Variants in KCNQ3 observed in about 807,000 individuals in gnomAD.
KCNQ3 encodes the protein potassium voltage-gated channel subfamily Q member 3.
KCNQ3 carries 30 observed loss-of-function variants against 92.5 expected under a neutral mutation model. The observed-to-expected ratio is 0.32, with a 90% CI of 0.24 to 0.44. KCNQ3 has a LOEUF of 0.44. Among genes scored for constraint, KCNQ3 ranks in the 20% least tolerant of loss-of-function variants. The probability of loss-of-function intolerance (pLI) is 1.00; values close to 1 mark genes in which losing one functional copy is unlikely to be tolerated. For synonymous variants in KCNQ3, 450 were observed against 468.8 expected (o/e 0.96, Z 0.52); for missense variants, 913 against 1,140.3 (o/e 0.80, Z 2.87).
chr8:132,233,856 C>CA lies in KCNQ3; in HGVS notation c.387-47676dup, dbSNP rs554219713. ...TAAATTCTGAAGGTGGAGAAGCGGGCAAAAAAAAATATTCAAAGCTCTTTG... is the reference window on the plus strand; with the variant it reads ...TAAATTCTGAAGGTGGAGAAGCGGGCAAAAAAAAAATATTCAAAGCTCTTTG... On this transcript the variant is annotated intron_variant, in intron 1 of 14. Coordinates refer to ENST00000388996, the MANE Select transcript of KCNQ3 (RefSeq NM_004519.4). Among the ~76,000 whole-genome samples the CA allele has an allele frequency of 3.1e-3, 459 of 149,366 alleles. 11 individuals carry two copies. Among genetic ancestry groups the CA allele is most frequent in the Admixed American group, 0.023 (343 of 15,048 alleles).
At chr8:132,437,718 G>C (rs1011545430) in intron 1 of KCNQ3, among the ~76,000 whole-genome samples, 5 of 152,092 alleles carry the variant, frequency 3.3e-5, no homozygotes, top group Non-Finnish European at 7.4e-5. Context: ...TAGGTTGCTT[G>C]GGAGAGATAC....
At chr8:132,206,531 G>T (rs1411473069) in intron 1 of KCNQ3, among the ~76,000 whole-genome samples, 1 of 152,100 alleles carries the variant, frequency 6.6e-6, no homozygotes, top group African/African-American at 2.4e-5. Context: ...CATATACGAG[G>T]TTTACAAAAT....
At chr8:132,361,167 C>A (rs557497256) in intron 1 of KCNQ3, among the ~76,000 whole-genome samples, 2 of 152,194 alleles carry the variant, frequency 1.3e-5, no homozygotes, top group African/African-American at 4.8e-5. Context: ...AACTGGTATG[C>A]GAGACTCCAA....
intron 1 of KCNQ3, among the ~76,000 whole-genome samples, chr8:132,467,212 C>T (rs532987222): frequency 1.3e-5 from 2 of 152,122 alleles, no homozygotes; most frequent in South Asian, 2.1e-4. Context: ...GGTGGCTGGG[C>T]GGGTGTTCCC....
intron 1 of KCNQ3, among the ~76,000 whole-genome samples, chr8:132,455,625 G>A (rs1418549505): frequency 1.3e-5 from 2 of 152,168 alleles, no homozygotes; most frequent in Admixed American, 6.5e-5. Context: ...CACTGTCCTC[G>A]TCATTGCTGT....
At chr8:132,195,577 C>A (rs1827278132) in intron 1 of KCNQ3, among the ~76,000 whole-genome samples, 2 of 152,180 alleles carry the variant, frequency 1.3e-5, no homozygotes, top group Admixed American at 1.3e-4. Context: ...TACATGCCTT[C>A]CAGTACCATT....
intron 1 of KCNQ3, among the ~76,000 whole-genome samples, chr8:132,228,437 C>A (rs10099385): frequency 0.012 from 1,852 of 151,840 alleles, 19 homozygotes; most frequent in South Asian, 0.048. Context: ...ACTGGCAATA[C>A]CTAATTGCGA....
At chr8:132,172,497 T>C in intron 7 of KCNQ3, 101 bp downstream of exon 7, 8 of 1,057,064 alleles carry the variant, frequency 7.6e-6, no homozygotes, top group Non-Finnish European at 1.2e-5. Flanking sequence ...CATGAGTATG[T>C]CCCCTCCACA....
chr8:132,275,873 G>A (rs1308879007), intron 1 of KCNQ3, among the ~76,000 whole-genome samples: 8 of 152,154 alleles, frequency 5.3e-5, no homozygotes, highest in Admixed American at 5.2e-4. Context: ...CACTGTGCCA[G>A]CCAGTGCAAC....
At chr8:132,377,869 A>G (rs1465616527) in intron 1 of KCNQ3, among the ~76,000 whole-genome samples, 1 of 152,236 alleles carries the variant, frequency 6.6e-6, no homozygotes, top group Non-Finnish European at 1.5e-5. Context: ...CACTCCGTCA[A>G]GAGCATTTGG....
chr8:132,359,482 T>G (rs1456175349), intron 1 of KCNQ3, among the ~76,000 whole-genome samples: 1 of 151,914 alleles, frequency 6.6e-6, no homozygotes, highest in East Asian at 1.9e-4. Context: ...TCTGCTTGGG[T>G]CAAGCCATCA....
intron 1 of KCNQ3, among the ~76,000 whole-genome samples, chr8:132,334,687 T>C (rs984146469): frequency 1.2e-4 from 18 of 152,326 alleles, no homozygotes; most frequent in African/African-American, 4.1e-4. Context: ...AGATAACTGA[T>C]CCTGGCAAGG....
intron 9 of KCNQ3, among the ~76,000 whole-genome samples, chr8:132,151,936 G>A (rs1205020863): frequency 6.6e-6 from 1 of 152,148 alleles, no homozygotes; most frequent in Non-Finnish European, 1.5e-5. Context: ...GAATTGTATG[G>A]GATTTCTAAA....
Position 132,290,570 on chromosome 8 carries a change from A to T in KCNQ3, c.387-104389T>A, listed in dbSNP as rs560950029. On this transcript the variant is annotated intron_variant, in intron 1 of 14. Transcript: ENST00000388996. ...ACACAAAATTATGTTGGCTTGAACT[A>T]AGGGGTGGCATTGGAGATGGAGAAG... 7.2e-5 allele frequency among the ~76,000 whole-genome samples: 11 copies of T among 152,266 alleles called. 1 individual carries two copies. The South Asian group carries it at 2.1e-3, about 29-fold the overall frequency.
intron 1 of KCNQ3, among the ~76,000 whole-genome samples, chr8:132,360,360 T>C (rs1315936259): frequency 6.6e-6 from 1 of 152,228 alleles, no homozygotes; most frequent in Non-Finnish European, 1.5e-5. Context: ...CGCACTTATC[T>C]GCACTTGACC....
intron 1 of KCNQ3, among the ~76,000 whole-genome samples, chr8:132,459,423 A>T (rs1315632660): frequency 6.6e-6 from 1 of 152,134 alleles, no homozygotes; most frequent in East Asian, 1.9e-4. Flanking sequence ...AGGCAAGGGG[A>T]GCTGGTATGT....
At chr8:132,252,121 G>T (rs1815431869) in intron 1 of KCNQ3, among the ~76,000 whole-genome samples, 1 of 152,126 alleles carries the variant, frequency 6.6e-6, no homozygotes, top group Non-Finnish European at 1.5e-5. Flanking sequence ...TGAAGCCTCT[G>T]GGGATGCCCT....
At chr8:132,312,000 A>G (rs1011138072) in intron 1 of KCNQ3, among the ~76,000 whole-genome samples, 2 of 152,182 alleles carry the variant, frequency 1.3e-5, no homozygotes, top group Non-Finnish European at 2.9e-5. Flanking sequence ...GAAGAAGTCC[A>G]TGTGAAGATG....
At chr8:132,256,342 A>G (rs1487525828) in intron 1 of KCNQ3, among the ~76,000 whole-genome samples, 1 of 152,128 alleles carries the variant, frequency 6.6e-6, no homozygotes, top group Admixed American at 6.6e-5. Flanking sequence ...AGAAAAACGA[A>G]TAGAGCCCTA....
Sources: allele counts gnomAD v4.1 joint callset (sites outside exome capture counted in the v4.1 genomes callset), GRCh38; gene constraint gnomAD v4.1.1; transcripts MANE v1.5; gene names NCBI Gene and HGNC (gene_info 2026-07-23, HGNC 2026-07-21).